The following SRGAP1 variants were observed in gnomAD, a reference collection of about 807,000 sequenced individuals.
The protein encoded by SRGAP1 is SLIT-ROBO Rho GTPase-activating protein 1.
A neutral mutation model predicts 121.9 loss-of-function variants in SRGAP1; 43 were observed. The observed-to-expected ratio is 0.35, with a 90% CI of 0.28 to 0.46. The LOEUF (loss-of-function observed/expected upper bound fraction) is 0.46. Ranked by LOEUF, SRGAP1 falls within the 20% of genes least tolerant of loss-of-function variation. The probability of loss-of-function intolerance (pLI) is 1.00; values close to 1 mark genes in which losing one functional copy is unlikely to be tolerated. For synonymous variants in SRGAP1, 447 were observed against 485.4 expected (o/e 0.92, Z 1.04); for missense variants, 1,102 against 1,350.9 (o/e 0.82, Z 2.89).
intron 8 of SRGAP1, among the ~76,000 whole-genome samples, chr12:64,067,029 T>A (rs906577827): frequency 8.5e-6 from 1 of 118,044 alleles, no homozygotes; most frequent in Non-Finnish European, 2.2e-5. Context: ...TGTTTTTTTT[T>A]AAAAGAAAAA....
At chr12:63,859,675 T>C (rs1899380639) in intron 1 of SRGAP1, among the ~76,000 whole-genome samples, 1 of 152,188 alleles carries the variant, frequency 6.6e-6, no homozygotes, top group Non-Finnish European at 1.5e-5. Flanking sequence ...CTATTACTAA[T>C]ATAAGTATTT....
intron 11 of SRGAP1, among the ~76,000 whole-genome samples, chr12:64,090,704 A>G (rs531172870): frequency 1.4e-4 from 21 of 152,248 alleles, no homozygotes; most frequent in Admixed American, 1.3e-3. Context: ...GCTGGGCATG[A>G]TGGCATGCGC....
intron 1 of SRGAP1, among the ~76,000 whole-genome samples, chr12:63,957,930 C>T (rs2032525006): frequency 6.6e-6 from 1 of 152,166 alleles, no homozygotes. Context: ...CTGCGGGGTG[C>T]TGAGTCTGGG....
In SRGAP1 at chr12:64,161,040, T is replaced by G. The variant is rs535968056; in HGVS notation, c.*18368T>G. On this transcript the variant is annotated 3_prime_UTR_variant, in exon 22 of 22. Coordinates refer to ENST00000355086, the MANE Select transcript of SRGAP1 (RefSeq NM_020762.4). ...CAGAATATCCTGATGTGGATCTATT[T>G]TGATTCATTGTACTGAAGACCATTT... 2.6e-5 allele frequency: 4 copies of G among 152,350 alleles called. No individual in the cohort carries two copies. The highest frequency in any genetic ancestry group is 9.6e-5 in the African/African-American group (4 of 41,582). The allele number at this position is 152,350 out of a possible 1,614,324, so 9.4% of individuals were successfully genotyped here.
chr12:64,116,248 C>A, intron 18 of SRGAP1, among the ~76,000 whole-genome samples: 2 of 126,768 alleles, frequency 1.6e-5, no homozygotes, highest in African/African-American at 3.1e-5. Context: ...CAGAACAGAC[C>A]TCATCTCAAA....
chr12:63,921,665 A>G (rs1165181977), intron 1 of SRGAP1, among the ~76,000 whole-genome samples: 2 of 152,216 alleles, frequency 1.3e-5, no homozygotes, highest in Non-Finnish European at 2.9e-5. Context: ...TATCTGTTAT[A>G]TGTTCTTAAA....
chr12:63,890,322 G>A (rs994242205), intron 1 of SRGAP1, among the ~76,000 whole-genome samples: 2 of 152,166 alleles, frequency 1.3e-5, no homozygotes, highest in South Asian at 2.1e-4. Flanking sequence ...GGGTAGTGAG[G>A]GTGTAGGTGA....
At chr12:64,091,180 A>C in intron 11 of SRGAP1, 96 bp from the exon 12 acceptor site, 1 of 780,072 alleles carries the variant, frequency 1.3e-6, no homozygotes, top group Non-Finnish European at 1.9e-6. Context: ...GAAGGAACCC[A>C]AGATTCCCGT....
At chr12:64,063,431 A>C (rs7135387) in intron 7 of SRGAP1, among the ~76,000 whole-genome samples, 6,097 of 152,284 alleles carry the variant, frequency 0.04, 371 homozygotes, top group African/African-American at 0.14. Context: ...ATGAAAATGA[A>C]GGCATTTTGC....
At chr12:63,945,316 G>A (rs1400139599) in intron 1 of SRGAP1, among the ~76,000 whole-genome samples, 2 of 151,392 alleles carry the variant, frequency 1.3e-5, no homozygotes, top group African/African-American at 4.9e-5. Context: ...TGCAGAACGC[G>A]CAGGTTTGTT....
intron 21 of SRGAP1, among the ~76,000 whole-genome samples, chr12:64,132,039 G>A (rs909660635): frequency 1.3e-5 from 2 of 152,162 alleles, no homozygotes; most frequent in African/African-American, 4.8e-5. Flanking sequence ...GCCAAGTGTG[G>A]TGGCACACGC....
chr12:64,095,303 T>C, intron 14 of SRGAP1, 99 bp downstream of exon 14: 1 of 1,006,778 alleles, frequency 9.9e-7, no homozygotes, highest in Non-Finnish European at 1.5e-6. Context: ...TCAAAACCTT[T>C]CTTTGTATGT....
intron 1 of SRGAP1, among the ~76,000 whole-genome samples, chr12:63,919,777 G>A (rs962201952): frequency 1.3e-5 from 2 of 152,034 alleles, no homozygotes; most frequent in South Asian, 2.1e-4. Context: ...AATTTTGCTT[G>A]TTTGTTTTGA....
intron 12 of SRGAP1, among the ~76,000 whole-genome samples, chr12:64,094,438 C>T (rs2036115632): frequency 6.6e-6 from 1 of 152,076 alleles, no homozygotes; most frequent in Non-Finnish European, 1.5e-5. Context: ...TAAGTAAATA[C>T]ATGTTTTAAT....
intron 10 of SRGAP1, 57 bp downstream of exon 10, chr12:64,080,427 A>G (rs761198391): frequency 3.9e-6 from 5 of 1,277,670 alleles, no homozygotes; most frequent in East Asian, 2.4e-5. Flanking sequence ...TATCATGTAT[A>G]TATTCCAGAA....
At chr12:63,933,781 G>A (rs919100921) in intron 1 of SRGAP1, among the ~76,000 whole-genome samples, 6 of 152,160 alleles carry the variant, frequency 3.9e-5, no homozygotes, top group Admixed American at 6.5e-5. Flanking sequence ...GAGGAAACCC[G>A]TGGAGCTCAT....
chr12:64,109,403 G>A (rs959874666), intron 16 of SRGAP1, among the ~76,000 whole-genome samples: 2 of 152,044 alleles, frequency 1.3e-5, no homozygotes, highest in African/African-American at 2.4e-5. Flanking sequence ...AAATTTCTGC[G>A]ACTTTTTAAT....
At position 64,154,205 on chromosome 12, in the gene SRGAP1, C is replaced by CAGA. The variant is rs2037146544; in HGVS notation, c.*11533_*11534insAGA. The CAGA allele has an allele frequency of 6.6e-6, 1 of 152,166 alleles. No homozygotes were observed. Among genetic ancestry groups the CAGA allele is most frequent in the African/African-American group, 2.4e-5 (1 of 41,442 alleles). The allele number at this position is 152,166 out of a possible 1,614,324, so 9.4% of individuals were successfully genotyped here. A position where few individuals can be genotyped will look rare whatever the true frequency, so the allele number is the denominator to read the frequency against. On this transcript the variant is annotated 3_prime_UTR_variant, in exon 22 of 22. Coordinates refer to ENST00000355086, the MANE Select transcript of SRGAP1 (RefSeq NM_020762.4). ...TTTCAGTTTTGCAAGATAAAAAGTT[C>CAGA]TAAAGATCTGTTGTCCAACAATATG...
At chr12:64,047,792 A>C (rs549756057) in intron 6 of SRGAP1, among the ~76,000 whole-genome samples, 1 of 152,284 alleles carries the variant, frequency 6.6e-6, no homozygotes, top group East Asian at 1.9e-4. Flanking sequence ...GTATTGTAAA[A>C]AACCAGAAAA....
Sources: gnomAD v4.1 joint callset for allele counts (sites outside exome capture counted in the v4.1 genomes callset) on GRCh38, gnomAD v4.1.1 for gene constraint, MANE v1.5 for transcripts, NCBI Gene and HGNC (gene_info 2026-07-23, HGNC 2026-07-21) for gene names.